The following SUCO variants were observed in gnomAD, a reference collection of about 807,000 sequenced individuals.
SUCO encodes the protein SUN domain containing ossification factor.
SUCO carries 57 observed loss-of-function variants against 148.1 expected under a neutral mutation model. That is an observed-to-expected ratio of 0.38 (90% CI 0.31 to 0.48). The LOEUF (loss-of-function observed/expected upper bound fraction) is 0.48, where lower values mean the gene tolerates loss of function less well. Ranked by LOEUF, SUCO falls within the 20% of genes least tolerant of loss-of-function variation. The probability of loss-of-function intolerance (pLI) is 0.96; values close to 1 mark genes in which losing one functional copy is unlikely to be tolerated. For missense variants in SUCO, 1,331 were observed against 1,468.2 expected (o/e 0.91, Z 1.53); for synonymous variants, 470 against 502.7 (o/e 0.93, Z 0.87).
At chr1:172,552,381 A>G (rs1013960891) in intron 2 of SUCO, among the ~76,000 whole-genome samples, 1 of 152,028 alleles carries the variant, frequency 6.6e-6, no homozygotes, top group Non-Finnish European at 1.5e-5. Flanking sequence ...GATAGCTCAT[A>G]TATCATCTTT....
In SUCO at chr1:172,537,305, C is replaced by T. The variant is rs142346337; in HGVS notation, c.62+3808C>T. 7.2e-5 allele frequency among the ~76,000 whole-genome samples: 11 copies of T among 152,110 alleles called. No homozygotes were observed. The East Asian group carries it at 1.5e-3, about 21-fold the overall frequency. On this transcript the variant is annotated intron_variant, in intron 1 of 23. Coordinates refer to ENST00000263688, the MANE Select transcript of SUCO (RefSeq NM_014283.5). ...AGAAAAAAATAATAATTTCTGTTAA[C>T]GGTACCTTTTGTTCTCATTAAAATA...
intron 8 of SUCO, 164 bp downstream of exon 8, chr1:172,570,335 C>CTTAT (rs1654863037): frequency 4.0e-6 from 2 of 496,800 alleles, no homozygotes; most frequent in Non-Finnish European, 7.0e-6. Context: ...TGAATTCTTA[C>CTTAT]TTATATTGGC....
chr1:172,596,066 G>A (rs982854798), intron 19 of SUCO, among the ~76,000 whole-genome samples: 4 of 152,024 alleles, frequency 2.6e-5, no homozygotes, highest in Non-Finnish European at 4.4e-5. Context: ...CCACTTGATC[G>A]AATTGTCTAC....
chr1:172,545,872 C>G (rs1357376400), intron 1 of SUCO, among the ~76,000 whole-genome samples: 1 of 152,172 alleles, frequency 6.6e-6, no homozygotes, highest in East Asian at 1.9e-4. Flanking sequence ...TATAGGCTGG[C>G]CTGCCTGCCT....
At chr1:172,605,139 C>G (rs1023254753) in intron 22 of SUCO, among the ~76,000 whole-genome samples, 2 of 151,712 alleles carry the variant, frequency 1.3e-5, no homozygotes, top group African/African-American at 4.8e-5. Context: ...TGCTTTTTCA[C>G]TGTTTTGATT....
upstream of SUCO, chr1:172,533,052 G>A (rs1204581013): frequency 1.8e-5 from 26 of 1,430,410 alleles, no homozygotes; most frequent in Non-Finnish European, 2.3e-5. Flanking sequence ...TGTGTGAGGT[G>A]TCGCGGCCCC....
intron 9 of SUCO, among the ~76,000 whole-genome samples, chr1:172,572,819 C>T (rs368748400): frequency 6.8e-6 from 1 of 146,948 alleles, no homozygotes; most frequent in Non-Finnish European, 1.5e-5. Context: ...AGGGGTGGAA[C>T]ATAAGCCTGG....
intron 6 of SUCO, among the ~76,000 whole-genome samples, chr1:172,559,118 A>C (rs1653954506): frequency 6.6e-6 from 1 of 152,180 alleles, no homozygotes; most frequent in Non-Finnish European, 1.5e-5. Flanking sequence ...TTGCTTTCTG[A>C]TGCCTTGTGC....
chr1:172,579,413 TTA>T (rs1655705925), intron 15 of SUCO, 146 bp downstream of exon 15: 1 of 534,580 alleles, frequency 1.9e-6, no homozygotes, highest in East Asian at 3.2e-5. Context: ...AAAAGTATTT[TTA>T]TAGAAATGCG....
intron 15 of SUCO, chr1:172,584,449 GGTA>G (rs2149256942): frequency 1.6e-6 from 1 of 610,210 alleles, no homozygotes; most frequent in East Asian, 1.4e-4. Context: ...ACAGTGTTTT[GGTA>G]AAGTGTCTAG....
intron 1 of SUCO, among the ~76,000 whole-genome samples, chr1:172,547,456 A>C (rs1652949706): frequency 6.6e-6 from 1 of 152,210 alleles, no homozygotes; most frequent in African/African-American, 2.4e-5. Flanking sequence ...TTTCGATACA[A>C]TATCCTGAGA....
chr1:172,542,419 G>A (rs527512791), intron 1 of SUCO, among the ~76,000 whole-genome samples: 5 of 152,124 alleles, frequency 3.3e-5, no homozygotes, highest in South Asian at 2.1e-4. Flanking sequence ...AGTTATCCTC[G>A]TAAAGCAGAG....
intron 6 of SUCO, among the ~76,000 whole-genome samples, chr1:172,560,478 A>G (rs1418654677): frequency 6.6e-6 from 1 of 152,214 alleles, no homozygotes; most frequent in Non-Finnish European, 1.5e-5. Context: ...TGAGAAATAC[A>G]TTTGCCAAAG....
rs1053626835 is a variant in SUCO at position 172,568,352 on chromosome 1, TTAA to T, written c.733-659_733-657del. ...TTTGATTTGCTGATACTCTTTATAC[TTAA>T]TAATAATTCTTTGTTGACTGAATGT... On this transcript the variant is annotated intron_variant, in intron 6 of 23. Coordinates refer to ENST00000263688, the MANE Select transcript of SUCO (RefSeq NM_014283.5). 6.6e-6 allele frequency: 5 copies of T among 760,412 alleles called. No homozygotes were observed. The African/African-American group carries it at 9.8e-5, about 15-fold the overall frequency. 47.1% of individuals were successfully genotyped at this position (760,412 alleles called of 1,614,324 possible). A position where few individuals can be genotyped will look rare whatever the true frequency, so the allele number is the denominator to read the frequency against.
intron 10 of SUCO, chr1:172,574,851 G>A (rs1655315040): frequency 1.0e-5 from 10 of 983,956 alleles, no homozygotes; most frequent in South Asian, 4.7e-5. Flanking sequence ...TTTTGAAATC[G>A]GTTCTCAAGA....
intron 20 of SUCO, among the ~76,000 whole-genome samples, chr1:172,601,220 T>C (rs989913872): frequency 6.6e-6 from 1 of 152,200 alleles, no homozygotes; most frequent in African/African-American, 2.4e-5. Flanking sequence ...CCAGGCATGA[T>C]GGCTTTTGCC....
chr1:172,533,104 T>A, upstream of SUCO: 1 of 1,429,326 alleles, frequency 7.0e-7, no homozygotes, highest in Non-Finnish European at 9.1e-7. Context: ...CGGCGGCCGT[T>A]GGTCGCTGGC....
intron 6 of SUCO, among the ~76,000 whole-genome samples, chr1:172,565,060 T>C (rs781734381): frequency 1.3e-5 from 2 of 151,084 alleles, no homozygotes; most frequent in Middle Eastern, 6.8e-3. Flanking sequence ...TTCTATTCTG[T>C]TCTGATCTGT....
At chr1:172,608,084 G>T (rs1452079859) in intron 22 of SUCO, 2 of 984,788 alleles carry the variant, frequency 2.0e-6, no homozygotes, top group Non-Finnish European at 2.4e-6. Context: ...AAGCTGCTTA[G>T]AGTAATGAAA....
Sources: gnomAD v4.1 joint callset for allele counts (sites outside exome capture counted in the v4.1 genomes callset) on GRCh38, gnomAD v4.1.1 for gene constraint, MANE v1.5 for transcripts, NCBI Gene and HGNC (gene_info 2026-07-23, HGNC 2026-07-21) for gene names.